The following ARID1B variants were observed in gnomAD, a reference collection of about 807,000 sequenced individuals.
The protein encoded by ARID1B is AT-rich interaction domain 1B, also known as AT-rich interactive domain-containing protein 1B.
A neutral mutation model predicts 212.3 loss-of-function variants in ARID1B; 30 were observed. The ratio of observed to expected loss-of-function variants is 0.14; its 90% CI spans 0.11 to 0.19. The LOEUF (loss-of-function observed/expected upper bound fraction) is 0.19. Among genes scored for constraint, ARID1B ranks in the 10% least tolerant of loss-of-function variants. ARID1B has a pLI of 1.00. For missense variants in ARID1B, 2,891 were observed against 3,204.0 expected (o/e 0.90, Z 2.36); for synonymous variants, 1,402 against 1,301.7 (o/e 1.08, Z -1.66).
chr6:157,005,526 G>GAGA (rs1402803509), intron 4 of ARID1B, among the ~76,000 whole-genome samples: 2 of 152,144 alleles, frequency 1.3e-5, no homozygotes, highest in Non-Finnish European at 2.9e-5. Flanking sequence ...GGTTGCCAAG[G>GAGA]AGAATAGTTA....
At chr6:157,140,856 C>T in intron 7 of ARID1B, 1 of 392,802 alleles carries the variant, frequency 2.5e-6, no homozygotes. Context: ...CCTCAGCACT[C>T]TGCAGAGTCC....
intron 4 of ARID1B, among the ~76,000 whole-genome samples, chr6:157,010,820 GTTT>G (rs1779562998): frequency 6.6e-6 from 1 of 152,066 alleles, no homozygotes; most frequent in African/African-American, 2.4e-5. Context: ...GACCTCTTTT[GTTT>G]TTAGCTATGA....
At chr6:157,109,080 A>G (rs185419367) in intron 5 of ARID1B, among the ~76,000 whole-genome samples, 1 of 152,338 alleles carries the variant, frequency 6.6e-6, no homozygotes, top group East Asian at 1.9e-4. Context: ...TGACTGCCAC[A>G]GATACCCCGT....
intron 3 of ARID1B, among the ~76,000 whole-genome samples, chr6:156,928,380 A>T (rs1791411437): frequency 6.6e-6 from 1 of 152,136 alleles, no homozygotes; most frequent in Admixed American, 6.5e-5. Flanking sequence ...TGTAGAAGAG[A>T]TAATGAGTTG....
At chr6:156,986,487 T>A (rs1054982752) in intron 4 of ARID1B, among the ~76,000 whole-genome samples, 12 of 152,208 alleles carry the variant, frequency 7.9e-5, no homozygotes, top group Non-Finnish European at 5.9e-5. Context: ...GGCTGGTAGT[T>A]AGGCCCTTGC....
At position 157,174,930 on chromosome 6, in the gene ARID1B, T is replaced by C. The variant is rs1225964545; in HGVS notation, c.3429T>C (p.Ala1143=). The C allele has an allele frequency of 6.5e-7, 1 of 1,544,476 alleles. No individual in the cohort carries two copies. The highest frequency in any genetic ancestry group is 1.4e-5 in the African/African-American group (1 of 71,238). Residue 1143 remains alanine (A), a synonymous_variant, in exon 11 of 20, where the codon GCT becomes GCC. Transcript: ENST00000636930. ...CTTCCCCAATGTCCCCCAGCTCTGC[T>C]AGCATCTCCTCATTTCATGGAGATG... ...PVPSPMSPSS[A]SISSFHGDES... is the part of the protein sequence containing the mutation.
chr6:156,897,619 C>T (rs1788587289), intron 2 of ARID1B, among the ~76,000 whole-genome samples: 1 of 150,294 alleles, frequency 6.7e-6, no homozygotes, highest in African/African-American at 2.5e-5. Context: ...TGATCTGAGG[C>T]ATTTTTTTTT....
At chr6:156,993,420 A>C (rs565002704) in intron 4 of ARID1B, among the ~76,000 whole-genome samples, 1 of 152,226 alleles carries the variant, frequency 6.6e-6, no homozygotes, top group Non-Finnish European at 1.5e-5. Context: ...AGTTTTTAGC[A>C]AAAGTATTCT....
chr6:157,024,064 CCTGTGCAGAGATGTTA>C (rs1185193712), intron 4 of ARID1B: 16 of 152,226 alleles, frequency 1.1e-4, no homozygotes, highest in African/African-American at 3.1e-4. Flanking sequence ...GATTTATCTG[CCTGTGCAGAGATGTTA>C]CTTAACTTGA....
chr6:156,880,841 T>A (rs576928974), intron 2 of ARID1B, among the ~76,000 whole-genome samples: 1 of 151,852 alleles, frequency 6.6e-6, no homozygotes, highest in Non-Finnish European at 1.5e-5. Context: ...TTAAAAATCC[T>A]TGTTAGTTTT....
chr6:157,030,308 TGC>T (rs1780948474), intron 4 of ARID1B: 1 of 152,296 alleles, frequency 6.6e-6, no homozygotes, highest in African/African-American at 2.4e-5. Flanking sequence ...TTAGAAGAAT[TGC>T]CTCTTGAGTC....
intron 11 of ARID1B, among the ~76,000 whole-genome samples, chr6:157,178,152 G>A (rs1041622433): frequency 6.6e-6 from 1 of 152,030 alleles, no homozygotes; most frequent in African/African-American, 2.4e-5. Context: ...CTGTGCCCAC[G>A]TTCACTCCAC....
At position 157,049,483 on chromosome 6, in the gene ARID1B, T is replaced by A. The variant is rs377430918; in HGVS notation, c.2248-35179T>A. Among the ~76,000 whole-genome samples, 11 of 152,284 alleles carry A rather than the reference T, an allele frequency of 7.2e-5. No homozygotes were observed. In the East Asian group the frequency reaches 7.7e-4, roughly 11 times the overall value. On this transcript the variant is annotated intron_variant, in intron 4 of 19. Coordinates refer to ENST00000636930, the MANE Select transcript of ARID1B (RefSeq NM_001374828.1). ...AAGTTAAGTCCTACAGGAGATTTCT[T>A]TTTTTTCCCCTAGCTACACATGGCA...
chr6:157,149,475 A>T (rs1244422972), intron 8 of ARID1B: 1 of 152,832 alleles, frequency 6.5e-6, no homozygotes, highest in East Asian at 1.9e-4. Context: ...TTCTTATGTT[A>T]TATTTTATTT....
At chr6:157,178,842 C>T (rs1371879242) in intron 11 of ARID1B, among the ~76,000 whole-genome samples, 1 of 152,216 alleles carries the variant, frequency 6.6e-6, no homozygotes, top group East Asian at 1.9e-4. Flanking sequence ...ACAAGCATTT[C>T]TGTGCCCCGT....
intron 4 of ARID1B, among the ~76,000 whole-genome samples, chr6:157,034,196 A>G (rs1313418970): frequency 6.6e-6 from 1 of 152,230 alleles, no homozygotes; most frequent in Non-Finnish European, 1.5e-5. Flanking sequence ...ACTTAAATAC[A>G]TTTCACTTAG....
intron 15 of ARID1B, chr6:157,195,961 T>C: frequency 2.0e-6 from 1 of 498,676 alleles, no homozygotes; most frequent in Non-Finnish European, 3.4e-6. Flanking sequence ...CTTGGGAGGG[T>C]GACGCAGGAG....
intron 2 of ARID1B, among the ~76,000 whole-genome samples, chr6:156,832,315 C>T (rs538991957): frequency 5.0e-4 from 76 of 152,290 alleles, no homozygotes; most frequent in Non-Finnish European, 5.9e-4. Flanking sequence ...CTGCTGGTCC[C>T]ATCCATCTTC....
chr6:156,899,557 G>A (rs560887449), intron 2 of ARID1B, among the ~76,000 whole-genome samples: 4 of 152,188 alleles, frequency 2.6e-5, no homozygotes, highest in Non-Finnish European at 4.4e-5. Flanking sequence ...TTGCTCAGTC[G>A]TGTAGGTGGT....
Sources: gnomAD v4.1 joint callset for allele counts (sites outside exome capture counted in the v4.1 genomes callset) on GRCh38, gnomAD v4.1.1 for gene constraint, MANE v1.5 for transcripts, NCBI Gene and HGNC (gene_info 2026-07-23, HGNC 2026-07-21) for gene names.